Variants in AHCTF1 observed in about 807,000 individuals in gnomAD.
AHCTF1 encodes the protein protein ELYS.
A neutral mutation model predicts 248.4 loss-of-function variants in AHCTF1; 24 were observed. The observed-to-expected ratio is 0.10, with a 90% CI of 0.07 to 0.14. The LOEUF (loss-of-function observed/expected upper bound fraction) is 0.14, where lower values mean the gene tolerates loss of function less well. Ranked by LOEUF, AHCTF1 falls within the 10% of genes least tolerant of loss-of-function variation. The probability of loss-of-function intolerance (pLI) is 1.00; values close to 1 mark genes in which losing one functional copy is unlikely to be tolerated. For synonymous variants in AHCTF1, 786 were observed against 929.8 expected (o/e 0.85, Z 2.81); for missense variants, 2,206 against 2,636.2 (o/e 0.84, Z 3.57).
intron 6 of AHCTF1, 126 bp downstream of exon 6, chr1:246,905,415 T>A: frequency 1.5e-6 from 1 of 671,234 alleles, no homozygotes; most frequent in African/African-American, 1.8e-5. Flanking sequence ...GAGAATGGCA[T>A]GAATCCGGGA....
At chr1:246,856,205 T>G (rs1424890994) in intron 30 of AHCTF1, among the ~76,000 whole-genome samples, 2 of 152,154 alleles carry the variant, frequency 1.3e-5, no homozygotes, top group Non-Finnish European at 1.5e-5. Flanking sequence ...AGAGGCAAGG[T>G]TCAATATTTT....
chr1:246,839,602 C>A lies in AHCTF1; in HGVS notation c.*1204G>T, dbSNP rs1659701283. 1.0e-6 allele frequency: 1 copy of A among 983,240 alleles called. No individual in the cohort carries two copies. The highest frequency in any genetic ancestry group is 1.7e-5 in the African/African-American group (1 of 57,174). The allele number at this position is 983,240 out of a possible 1,614,324, so 60.9% of individuals were successfully genotyped here. A position where few individuals can be genotyped will look rare whatever the true frequency, so the allele number is the denominator to read the frequency against. ...TGCGTAGGCATTTTCACCAATTTCTCATTATCTGTATTATTTGGTAGAAAA... is the reference window on the plus strand; with the variant it reads ...TGCGTAGGCATTTTCACCAATTTCTAATTATCTGTATTATTTGGTAGAAAA... On this transcript the variant is annotated 3_prime_UTR_variant, in exon 36 of 36. Transcript: ENST00000648844.
intron 13 of AHCTF1, 113 bp downstream of exon 13, chr1:246,895,722 G>T: frequency 1.2e-6 from 1 of 846,820 alleles, no homozygotes; most frequent in Non-Finnish European, 1.8e-6. Context: ...CTTAACAACT[G>T]CATGTGGATC....
At chr1:246,920,229 C>G (rs926240787) in intron 1 of AHCTF1, among the ~76,000 whole-genome samples, 1 of 147,358 alleles carries the variant, frequency 6.8e-6, no homozygotes, top group African/African-American at 2.5e-5. Context: ...CCAGCAGAAT[C>G]AGATGACTGA....
At position 246,846,752 on chromosome 1, in the gene AHCTF1, T is replaced by TG. The variant is rs531191952; in HGVS notation, c.6392-2825dup. 3.2e-3 allele frequency among the ~76,000 whole-genome samples: 489 copies of TG among 150,744 alleles called. 1 individual carries two copies. Among genetic ancestry groups the TG allele is most frequent in the African/African-American group, 0.011 (446 of 40,886 alleles). ...TATACATATACATATATATATTTTT[T>TG]GGGGGGATGGGGGTGGGGAGGTGAC... On this transcript the variant is annotated intron_variant, in intron 33 of 35. Coordinates refer to ENST00000648844, the MANE Select transcript of AHCTF1 (RefSeq NM_001323342.2).
At chr1:246,876,288 T>G (rs1275569138) in intron 23 of AHCTF1, 101 bp from the exon 24 acceptor site, 3 of 1,067,048 alleles carry the variant, frequency 2.8e-6, no homozygotes, top group Non-Finnish European at 2.5e-6. Context: ...ATCCAAAAAA[T>G]CTTCCCCCTA....
rs769505894 is a variant in AHCTF1 at position 246,861,127 on chromosome 1, C to A, written c.3904G>T (p.Asp1302Tyr). The change falls in exon 29 of 36, where the codon GAT (aspartate) becomes TAT (tyrosine). Residue 1302 changes from aspartate (D) to tyrosine (Y), a missense_variant. Around this residue, in one of 6 missense-constraint regions of AHCTF1, gnomAD observed 955 missense variants for 1,055.6 expected, o/e 0.90. Coordinates refer to ENST00000648844, the MANE Select transcript of AHCTF1 (RefSeq NM_001323342.2). Reference sequence around the variant, plus strand: ...ACACTGCTGTTTCCTTTGCTCACATCCAGTTTCTCTAAACTTTGTGACCCC... The same window carrying A: ...ACACTGCTGTTTCCTTTGCTCACATACAGTTTCTCTAAACTTTGTGACCCC... ...DEGSQSLEKL[D>Y]VSKGNSSVSI... 1.2e-6 allele frequency: 2 copies of A among 1,613,844 alleles called. No homozygotes were observed. The highest frequency in any genetic ancestry group is 1.7e-6 in the Non-Finnish European group (2 of 1,180,054).
chr1:246,928,070 G>T (rs554412399), intron 1 of AHCTF1, among the ~76,000 whole-genome samples: 1 of 151,936 alleles, frequency 6.6e-6, no homozygotes, highest in Non-Finnish European at 1.5e-5. Context: ...GTAATCCCAA[G>T]GCAGGTGGAT....
chr1:246,917,908 G>C (rs945564559), intron 2 of AHCTF1, among the ~76,000 whole-genome samples: 1 of 152,078 alleles, frequency 6.6e-6, no homozygotes, highest in Non-Finnish European at 1.5e-5. Context: ...TCATGACACT[G>C]TTCAGGTTCT....
intron 1 of AHCTF1, among the ~76,000 whole-genome samples, chr1:246,919,638 A>G (rs1313165891): frequency 1.3e-5 from 2 of 150,860 alleles, no homozygotes; most frequent in East Asian, 3.9e-4. Context: ...ACTTGAACCC[A>G]GGAGGTGGAG....
intron 7 of AHCTF1, 141 bp from the exon 8 acceptor site, chr1:246,902,816 G>A: frequency 1.3e-6 from 1 of 773,256 alleles, no homozygotes; most frequent in African/African-American, 1.8e-5. Flanking sequence ...CATGGAAAAA[G>A]GCTCTAAAAT....
chr1:246,919,540 C>T (rs981419859), intron 1 of AHCTF1, among the ~76,000 whole-genome samples: 16 of 151,582 alleles, frequency 1.1e-4, no homozygotes, highest in African/African-American at 3.6e-4. Flanking sequence ...GGTGAAAACC[C>T]GTCTCTACTA....
chr1:246,896,876 T>C (rs182425396), intron 12 of AHCTF1, among the ~76,000 whole-genome samples: 3 of 152,322 alleles, frequency 2.0e-5, no homozygotes, highest in Admixed American at 1.3e-4. Flanking sequence ...AATTACATAA[T>C]GGTCCACAAA....
Position 246,901,700 on chromosome 1 carries a change from C to T in AHCTF1, c.1117+825G>A, listed in dbSNP as rs188999284. ...AGGTGTGGTGGTGTGTGCCGGCAGT[C>T]CCAGTTACTTGGGAGACCGAGATGG... On this transcript the variant is annotated intron_variant, in intron 8 of 35. Coordinates refer to ENST00000648844, the MANE Select transcript of AHCTF1 (RefSeq NM_001323342.2). Among the ~76,000 whole-genome samples, 43 of 152,148 alleles carry T rather than the reference C, an allele frequency of 2.8e-4. No homozygotes were observed. In the East Asian group the frequency reaches 6.8e-3, roughly 24 times the overall value.
rs548767769 is a variant in AHCTF1 at position 246,868,853 on chromosome 1, T to G, written c.3089-1042A>C. Among the ~76,000 whole-genome samples the G allele has an allele frequency of 1.5e-4, 23 of 149,658 alleles. No homozygotes were observed. The East Asian group carries it at 3.1e-3, about 20-fold the overall frequency. Reference sequence around the variant, plus strand: ...ATTGTGTGTGTGTTTTTTGTTTTTTTTTTTTTTTTGAGATGGAGTCTCGCT... The same window carrying G: ...ATTGTGTGTGTGTTTTTTGTTTTTTGTTTTTTTTTGAGATGGAGTCTCGCT... On this transcript the variant is annotated intron_variant, in intron 24 of 35. Transcript: ENST00000648844.
chr1:246,931,343 C>G (rs1217934017), intron 1 of AHCTF1: 2 of 1,543,848 alleles, frequency 1.3e-6, no homozygotes, highest in Non-Finnish European at 1.7e-6. Flanking sequence ...GCCGCTCCTC[C>G]GGTCCGAGAT....
chr1:246,849,492 C>G (rs866369884), intron 33 of AHCTF1, 123 bp downstream of exon 33: 6 of 1,227,368 alleles, frequency 4.9e-6, no homozygotes, highest in Middle Eastern at 4.3e-4. Flanking sequence ...ACTAAAAGAT[C>G]AATTTTGGTT....
At chr1:246,879,782 C>T (rs1031574395) in intron 21 of AHCTF1, among the ~76,000 whole-genome samples, 1 of 151,974 alleles carries the variant, frequency 6.6e-6, no homozygotes, top group Non-Finnish European at 1.5e-5. Context: ...TGAGCCAAAA[C>T]CGCTCCACTA....
intron 12 of AHCTF1, 107 bp downstream of exon 12, chr1:246,898,101 A>G: frequency 6.8e-7 from 1 of 1,477,024 alleles, no homozygotes; most frequent in Non-Finnish European, 9.3e-7. Flanking sequence ...TCAGCATTAC[A>G]CTACTTCACC....
Sources: allele counts gnomAD v4.1 joint callset (sites outside exome capture counted in the v4.1 genomes callset), GRCh38; gene constraint gnomAD v4.1.1; regional missense constraint gnomAD v4.1.1; transcripts MANE v1.5; gene names NCBI Gene and HGNC (gene_info 2026-07-23, HGNC 2026-07-21).